ABRA: variants seen among roughly 807,000 people sequenced by gnomAD.
ABRA encodes actin binding Rho activating protein.
Under a neutral mutation model 33.4 loss-of-function variants are expected in ABRA, and 25 were observed. The ratio of observed to expected loss-of-function variants is 0.75; its 90% CI spans 0.55 to 1.04. ABRA has a LOEUF of 1.04. ABRA is among the 50% of genes least tolerant of loss of function. The pLI, the probability that ABRA is intolerant of heterozygous loss-of-function variation, is 0.00. For missense variants in ABRA, 501 were observed against 491.7 expected, an observed-to-expected ratio of 1.02 and a Z score of -0.18; for synonymous variants, 193 against 176.8, an observed-to-expected ratio of 1.09 and a Z score of -0.73.
intron 1 of ABRA, among the ~76,000 whole-genome samples, chr8:106,762,077 A>G (rs912788316): frequency 1.3e-5 from 2 of 152,250 alleles, no homozygotes; most frequent in Admixed American, 6.5e-5. Flanking sequence ...CTAGCTAGCA[A>G]TAGTAACATT....
Position 106,761,174 on chromosome 8 carries a change from A to G in ABRA, c.1009T>C (p.Phe337Leu), listed in dbSNP as rs1587348275. The G allele has an allele frequency of 3.7e-6, 6 of 1,614,236 alleles. No homozygotes were observed. Among genetic ancestry groups the G allele is most frequent in the Non-Finnish European group, 5.1e-6 (6 of 1,180,048 alleles). The change falls in exon 2 of 2, where the codon TTT becomes CTT. Residue 337 changes from phenylalanine to leucine, a missense_variant. By Grantham distance (22) the Phe-to-Leu change is conservative. Transcript: ENST00000311955. The stretch of plus-strand genomic sequence containing the variant: ...TCTGAAATACGAACGTATCTGTCAA[A>G]GAGATCTCCAAAAGTAACCTGGATC... ...GKIQVTFGDL[F>L]DRYVRISDKV...
rs1196733043 is a variant in ABRA, at chr8:106,769,546, C to G, written c.645G>C (p.Arg215Ser). 6.2e-7 allele frequency: 1 copy of G among 1,613,820 alleles called. No homozygotes were observed. The highest frequency in any genetic ancestry group is 1.7e-5 in the Admixed American group (1 of 60,002). Residue 215 changes from arginine to serine, a missense_variant, in exon 1 of 2, where the codon AGG (arginine) becomes AGC (serine). Arg to Ser is a moderately radical substitution (Grantham distance 110). Transcript: ENST00000311955. The part of the protein sequence containing the change: ...EQDGVQVAVV[R>S]IKRPLPSQVN... ...ACTGGGAGGGCAAGGGGCGCTTGAT[C>G]CTGACCACAGCCACCTGCACTCCAT...
intron 1 of ABRA, among the ~76,000 whole-genome samples, chr8:106,767,861 G>A (rs1810522480): frequency 6.6e-6 from 1 of 152,148 alleles, no homozygotes; most frequent in Non-Finnish European, 1.5e-5. Flanking sequence ...TTGGGAGGCC[G>A]AGGTGGGTGG....
In ABRA at chr8:106,769,825, C is replaced by G; in HGVS notation, c.366G>C (p.Gly122=). 1 of 1,614,086 alleles carries G rather than the reference C, an allele frequency of 6.2e-7. No individual in the cohort carries two copies. Among genetic ancestry groups the G allele is most frequent in the African/African-American group, 1.3e-5 (1 of 75,000 alleles). The change falls in exon 1 of 2, where the codon GGG becomes GGC. Residue 122 remains glycine (G), a synonymous_variant. Coordinates refer to ENST00000311955, the MANE Select transcript of ABRA (RefSeq NM_139166.5). Reference sequence around the variant, plus strand: ...ACCTGTGGCTGAGGTGGCTCACGTCCCCTCCTCTCTCATAAGTCTTGCTGA... The same window carrying G: ...ACCTGTGGCTGAGGTGGCTCACGTCGCCTCCTCTCTCATAAGTCTTGCTGA... The part of the protein sequence containing the change: ...TVVSKTYERG[G]DVSHLSHRYE...
chr8:106,767,428 G>A (rs1032661840), intron 1 of ABRA, among the ~76,000 whole-genome samples: 1 of 152,164 alleles, frequency 6.6e-6, no homozygotes, highest in African/African-American at 2.4e-5. Context: ...TGTTCGGATA[G>A]CATAGTTACT....
Position 106,761,455 on chromosome 8 carries a change from C to T in ABRA, c.728G>A (p.Gly243Asp). ...CTGCTGCCATCTCCCTTTCAAGTTG[C>T]CCACTGGGCTATATTTCTGTTGGGC... Reference protein sequence around the residue: ...CKAQQKYSPVGNLKGRWQQWA... With the variant: ...CKAQQKYSPVDNLKGRWQQWA... The change falls in exon 2 of 2, where the codon GGC (glycine) becomes GAC (aspartate). Residue 243 changes from glycine (G) to aspartate (D), a missense_variant. Gly to Asp is a moderately conservative substitution (Grantham distance 94). Transcript: ENST00000311955. The T allele has an allele frequency of 6.2e-7, 1 of 1,614,164 alleles. No individual in the cohort carries two copies. Among genetic ancestry groups the T allele is most frequent in the Non-Finnish European group, 8.5e-7 (1 of 1,180,028 alleles).
At chr8:106,763,434 TACA>T (rs1256635953) in intron 1 of ABRA, among the ~76,000 whole-genome samples, 1 of 152,206 alleles carries the variant, frequency 6.6e-6, no homozygotes, top group Admixed American at 6.5e-5. Flanking sequence ...ACACAATTAT[TACA>T]ACTTTATAAA....
At chr8:106,768,276 G>A (rs1204670630) in intron 1 of ABRA, among the ~76,000 whole-genome samples, 2 of 152,128 alleles carry the variant, frequency 1.3e-5, no homozygotes, top group African/African-American at 4.8e-5. Context: ...TGGCATTGTG[G>A]AATAAGAAAT....
At chr8:106,768,006 A>T (rs1301766681) in intron 1 of ABRA, among the ~76,000 whole-genome samples, 1 of 151,942 alleles carries the variant, frequency 6.6e-6, no homozygotes, top group Admixed American at 6.6e-5. Context: ...GAGGCAGGAG[A>T]ATCACTTGAA....
At chr8:106,764,221 G>C (rs1784477) in intron 1 of ABRA, among the ~76,000 whole-genome samples, 61,037 of 152,074 alleles carry the variant, frequency 0.4, 12,906 homozygotes, top group Admixed American at 0.49. Flanking sequence ...TGTTTAAACT[G>C]CACGTTATAT....
At chr8:106,768,931 C>T (rs896420412) in intron 1 of ABRA, among the ~76,000 whole-genome samples, 2 of 152,168 alleles carry the variant, frequency 1.3e-5, no homozygotes, top group African/African-American at 4.8e-5. Flanking sequence ...CCACTGCGCC[C>T]AGCTGATGAA....
intron 1 of ABRA, among the ~76,000 whole-genome samples, chr8:106,763,498 T>C (rs1836165938): frequency 6.6e-6 from 1 of 152,204 alleles, no homozygotes; most frequent in African/African-American, 2.4e-5. Context: ...GTGTAATGGA[T>C]TTCCCTCAGC....
At position 106,760,910 on chromosome 8, in the gene ABRA, G is replaced by A; in HGVS notation, c.*127C>T. 2.3e-6 allele frequency: 2 copies of A among 854,864 alleles called. No individual in the cohort carries two copies. The highest frequency in any genetic ancestry group is 2.4e-5 in the East Asian group (1 of 40,928). 53.0% of individuals were successfully genotyped at this position (854,864 alleles called of 1,614,324 possible). On this transcript the variant is annotated 3_prime_UTR_variant, in exon 2 of 2. Coordinates refer to ENST00000311955, the MANE Select transcript of ABRA (RefSeq NM_139166.5). The stretch of plus-strand genomic sequence containing the variant: ...CTAGATAGAAATAGAATGCCAGAAA[G>A]TCGTTTATGTAAAAATTGTTTAATA...
In ABRA at chr8:106,761,456, C is replaced by G. The variant is rs1836139028; in HGVS notation, c.727G>C (p.Gly243Arg). 1 of 1,614,066 alleles carries G rather than the reference C, an allele frequency of 6.2e-7. No individual in the cohort carries two copies. Among genetic ancestry groups the G allele is most frequent in the East Asian group, 2.2e-5 (1 of 44,900 alleles). ...TGCTGCCATCTCCCTTTCAAGTTGC[C>G]CACTGGGCTATATTTCTGTTGGGCT... ...CKAQQKYSPV[G>R]NLKGRWQQWA... The change falls in exon 2 of 2, where the codon GGC becomes CGC. Residue 243 changes from glycine (G) to arginine (R), a missense_variant. By Grantham distance (125) the Gly-to-Arg change is moderately radical. Coordinates refer to ENST00000311955, the MANE Select transcript of ABRA (RefSeq NM_139166.5).
In ABRA at chr8:106,761,370, G is replaced by A. The variant is rs374102076; in HGVS notation, c.813C>T (p.Tyr271=). Residue 271 remains tyrosine, a synonymous_variant, in exon 2 of 2, where the codon TAC becomes TAT. Transcript: ENST00000311955. ...GTAGGCGGGTGGACATGGCCAGCTC[G>A]TAATCAAACTCTTCACTGAAAGGAT... The part of the protein sequence containing the change: ...KLNPFSEEFD[Y]ELAMSTRLHK... 78 of 1,613,966 alleles carry A rather than the reference G, an allele frequency of 4.8e-5. No homozygotes were observed. Among genetic ancestry groups the A allele is most frequent in the South Asian group, 3.1e-4 (28 of 91,074 alleles).
intron 1 of ABRA, among the ~76,000 whole-genome samples, chr8:106,763,184 G>A (rs1836161513): frequency 1.3e-5 from 2 of 152,154 alleles, no homozygotes; most frequent in South Asian, 4.1e-4. Context: ...CGTGGACCGG[G>A]AGGAATACAT....
intron 1 of ABRA, 44 bp downstream of exon 1, chr8:106,769,479 A>G: frequency 6.3e-7 from 1 of 1,579,460 alleles, no homozygotes; most frequent in East Asian, 2.2e-5. Context: ...GTTGGGGCTC[A>G]ATAGTGATCC....
rs565264240 is a variant in ABRA at position 106,769,773 on chromosome 8, G to A, written c.418C>T (p.Pro140Ser). ...TCAATGTCATTCTCTGGCTGCCCAG[G>A]TTCAAGCACACCAGCATCCCTCTCG... ...RYERDAGVLE[P>S]GQPENDIDRI... The change falls in exon 1 of 2, where the codon CCT (proline) becomes TCT (serine). Residue 140 changes from proline to serine, a missense_variant. Coordinates refer to ENST00000311955, the MANE Select transcript of ABRA (RefSeq NM_139166.5). The A allele has an allele frequency of 1.3e-5, 21 of 1,614,176 alleles. No individual in the cohort carries two copies. In the East Asian group the frequency reaches 1.6e-4, roughly 12 times the overall value.
intron 1 of ABRA, among the ~76,000 whole-genome samples, chr8:106,766,940 G>C (rs1158136959): frequency 2.0e-5 from 3 of 152,138 alleles, no homozygotes; most frequent in African/African-American, 4.8e-5. Flanking sequence ...TCCAAGCGTA[G>C]GCATTTCAAC....
Sources: allele counts gnomAD v4.1 joint callset (sites outside exome capture counted in the v4.1 genomes callset), GRCh38; gene constraint gnomAD v4.1.1; transcripts MANE v1.5; gene names NCBI Gene and HGNC (gene_info 2026-07-23, HGNC 2026-07-21).